Variants in SLC25A31 observed in about 807,000 individuals in gnomAD.
SLC25A31 encodes the protein ADP/ATP translocase 4.
In SLC25A31, 40 loss-of-function variants were observed where a neutral mutation model predicts 36.2. That is an observed-to-expected ratio of 1.10 (90% CI 0.86 to 1.44). The LOEUF (loss-of-function observed/expected upper bound fraction) is 1.44. SLC25A31 is among the 40% of genes most tolerant of loss of function. The probability of loss-of-function intolerance (pLI) is 0.00; values close to 1 mark genes in which losing one functional copy is unlikely to be tolerated. For missense variants in SLC25A31, 350 were observed against 397.1 expected (o/e 0.88, Z 1.01); for synonymous variants, 143 against 149.7 (o/e 0.96, Z 0.32).
chr4:127,753,124 A>G (rs1434043280), intron 2 of SLC25A31, among the ~76,000 whole-genome samples: 2 of 152,192 alleles, frequency 1.3e-5, no homozygotes, highest in African/African-American at 4.8e-5. Flanking sequence ...CAAAGAAGAA[A>G]CCAAAAGGAA....
At chr4:127,766,955 A>T in intron 3 of SLC25A31, 111 bp from the exon 4 acceptor site, 1 of 910,488 alleles carries the variant, frequency 1.1e-6, no homozygotes, top group Non-Finnish European at 1.5e-6. Flanking sequence ...CTTCTTTGTT[A>T]GATTTGTAAG....
At chr4:127,740,463 T>C (rs1578657071) in intron 1 of SLC25A31, among the ~76,000 whole-genome samples, 1 of 152,154 alleles carries the variant, frequency 6.6e-6, no homozygotes, top group Non-Finnish European at 1.5e-5. Context: ...TACAGGCCAG[T>C]AGATAGCATG....
At chr4:127,749,404 C>G (rs956153993) in intron 2 of SLC25A31, among the ~76,000 whole-genome samples, 1 of 152,048 alleles carries the variant, frequency 6.6e-6, no homozygotes, top group African/African-American at 2.4e-5. Flanking sequence ...CGTCCAGATT[C>G]AGGAAGCTCA....
At chr4:127,765,480 AAC>A in intron 3 of SLC25A31, among the ~76,000 whole-genome samples, 1 of 152,280 alleles carries the variant, frequency 6.6e-6, no homozygotes, top group East Asian at 1.9e-4. Flanking sequence ...TTATTAATGT[AAC>A]AGAGTTTCTT....
chr4:127,730,839 G>T (rs1261962853), intron 1 of SLC25A31, 62 bp downstream of exon 1: 10 of 1,486,694 alleles, frequency 6.7e-6, no homozygotes, highest in African/African-American at 2.8e-5. Flanking sequence ...TCCCAGAGAA[G>T]AGGGTGGCTG....
intron 1 of SLC25A31, among the ~76,000 whole-genome samples, chr4:127,736,684 T>C (rs1000283409): frequency 2.0e-5 from 3 of 152,200 alleles, no homozygotes; most frequent in African/African-American, 7.2e-5. Flanking sequence ...CCCTCAGTGG[T>C]ATACTGGTAT....
chr4:127,737,377 G>C (rs1253860368), intron 1 of SLC25A31, among the ~76,000 whole-genome samples: 1 of 151,928 alleles, frequency 6.6e-6, no homozygotes, highest in Non-Finnish European at 1.5e-5. Flanking sequence ...GGTTTTATTC[G>C]TGCAAATACA....
intron 5 of SLC25A31, among the ~76,000 whole-genome samples, chr4:127,770,834 G>A (rs1026018638): frequency 6.6e-6 from 1 of 151,744 alleles, no homozygotes; most frequent in African/African-American, 2.4e-5. Flanking sequence ...AAGGCTACAA[G>A]TCTGAGATCA....
chr4:127,736,799 T>A (rs6534638), intron 1 of SLC25A31, among the ~76,000 whole-genome samples: 107,249 of 152,170 alleles, frequency 0.7, 38,209 homozygotes, highest in Middle Eastern at 0.8. Flanking sequence ...AAGTAATTGT[T>A]ACTAATGTGT....
Position 127,769,163 on chromosome 4 carries a change from C to CT in SLC25A31, c.759+287dup, listed in dbSNP as rs1732303356. 4.6e-5 allele frequency among the ~76,000 whole-genome samples: 7 copies of CT among 152,110 alleles called. No individual in the cohort carries two copies. The South Asian group carries it at 1.4e-3, about 32-fold the overall frequency. On this transcript the variant is annotated intron_variant, in intron 5 of 5. Coordinates refer to ENST00000281154, the MANE Select transcript of SLC25A31 (RefSeq NM_031291.4). ...TATGGCAGAAATTGGATGAATATGTCTATCTTAACTGAAATATTAGATTAA... is the reference window on the plus strand; with the variant it reads ...TATGGCAGAAATTGGATGAATATGTCTTATCTTAACTGAAATATTAGATTAA...
intron 1 of SLC25A31, among the ~76,000 whole-genome samples, chr4:127,736,469 G>A (rs1329908928): frequency 2.0e-5 from 3 of 152,086 alleles, no homozygotes; most frequent in African/African-American, 7.2e-5. Flanking sequence ...GAGTCAAAAC[G>A]TTCCTGCCAT....
In SLC25A31 at chr4:127,764,320, A is replaced by G; in HGVS notation, c.438A>G (p.Leu146=). ...GATSLCVVYP[L]DFARTRLGVD... ...CATCCTTATGTGTAGTATATCCTCT[A>G]GATTTTGCCCGAACCCGATTAGGTG... The change falls in exon 3 of 6, where the codon CTA becomes CTG. Residue 146 remains leucine (L), a synonymous_variant. Coordinates refer to ENST00000281154, the MANE Select transcript of SLC25A31 (RefSeq NM_031291.4). 1 of 1,614,048 alleles carries G rather than the reference A, an allele frequency of 6.2e-7. No individual in the cohort carries two copies. The highest frequency in any genetic ancestry group is 8.5e-7 in the Non-Finnish European group (1 of 1,179,956).
intron 2 of SLC25A31, among the ~76,000 whole-genome samples, chr4:127,753,841 AC>A (rs1223723399): frequency 1.3e-5 from 2 of 152,134 alleles, no homozygotes; most frequent in African/African-American, 4.8e-5. Context: ...ATACCAAAGC[AC>A]CAGAGAAGGA....
At chr4:127,730,798 C>T (rs1731507672) in intron 1 of SLC25A31, 21 bp downstream of exon 1, 5 of 1,590,694 alleles carry the variant, frequency 3.1e-6, no homozygotes, top group South Asian at 1.1e-5. Flanking sequence ...GCAGGCCGCC[C>T]CGACAGCCTC....
chr4:127,772,821 A>T (rs1354006603), intron 5 of SLC25A31, among the ~76,000 whole-genome samples: 1 of 141,282 alleles, frequency 7.1e-6, no homozygotes, highest in Non-Finnish European at 1.5e-5. Context: ...TTACCCTGTC[A>T]CTTAGGCTAG....
intron 2 of SLC25A31, among the ~76,000 whole-genome samples, chr4:127,747,144 G>T (rs1283510628): frequency 6.6e-6 from 1 of 152,060 alleles, no homozygotes; most frequent in Non-Finnish European, 1.5e-5. Flanking sequence ...GCCTGTTCTT[G>T]TCTTAGTACC....
intron 2 of SLC25A31, among the ~76,000 whole-genome samples, chr4:127,749,410 G>A (rs576693914): frequency 6.6e-6 from 1 of 152,210 alleles, no homozygotes; most frequent in South Asian, 2.1e-4. Flanking sequence ...GATTCAGGAA[G>A]CTCAGAGGAC....
intron 2 of SLC25A31, among the ~76,000 whole-genome samples, chr4:127,747,435 G>A (rs1346290552): frequency 6.6e-6 from 1 of 152,006 alleles, no homozygotes; most frequent in Non-Finnish European, 1.5e-5. Context: ...ACCTCCGGAG[G>A]TGAAAGATGA....
At chr4:127,755,889 T>C (rs1406665592) in intron 2 of SLC25A31, among the ~76,000 whole-genome samples, 1 of 152,062 alleles carries the variant, frequency 6.6e-6, no homozygotes, top group African/African-American at 2.4e-5. Context: ...AAAAATTAGC[T>C]GAGCGTGGTG....
Sources: gnomAD v4.1 joint callset for allele counts (sites outside exome capture counted in the v4.1 genomes callset) on GRCh38, gnomAD v4.1.1 for gene constraint, MANE v1.5 for transcripts, NCBI Gene and HGNC (gene_info 2026-07-23, HGNC 2026-07-21) for gene names.